The following ZNF704 variants were observed in gnomAD, a reference collection of about 807,000 sequenced individuals.
The protein encoded by ZNF704 is glucocorticoid induced gene 1.
A neutral mutation model predicts 44.7 loss-of-function variants in ZNF704; 10 were observed. That is an observed-to-expected ratio of 0.22 (90% CI 0.14 to 0.38). The LOEUF (loss-of-function observed/expected upper bound fraction) is 0.38. ZNF704 is among the 10% of genes least tolerant of loss of function. The pLI, the probability that ZNF704 is intolerant of heterozygous loss-of-function variation, is 1.00. For synonymous variants in ZNF704, 211 were observed against 207.6 expected (o/e 1.02, Z -0.14); for missense variants, 390 against 545.5 (o/e 0.71, Z 2.84).
In ZNF704 at chr8:80,664,272, A is replaced by ATT. The variant is rs146856594; in HGVS notation, c.927+541_927+542dup. Among the ~76,000 whole-genome samples the ATT allele has an allele frequency of 3.4e-3, 428 of 126,698 alleles. 3 individuals are homozygous for ATT. Among genetic ancestry groups the ATT allele is most frequent in the African/African-American group, 0.012 (413 of 34,362 alleles). 83.1% of individuals were successfully genotyped at this position (126,698 alleles called of 152,430 possible). ...CCACCATGCCCAGATAACATTAGGG[A>ATT]TTTTTTTTTTTTTTTTTTGAGACAG... On this transcript the variant is annotated intron_variant, in intron 6 of 8. Transcript: ENST00000327835.
intron 1 of ZNF704, among the ~76,000 whole-genome samples, chr8:80,841,908 C>T (rs1220945604): frequency 6.6e-6 from 1 of 152,172 alleles, no homozygotes; most frequent in Non-Finnish European, 1.5e-5. Flanking sequence ...CTGCCTCAAC[C>T]TCTCAAATAC....
intron 4 of ZNF704, among the ~76,000 whole-genome samples, chr8:80,678,736 G>A (rs1818407132): frequency 6.6e-6 from 1 of 152,160 alleles, no homozygotes; most frequent in African/African-American, 2.4e-5. Flanking sequence ...GATGTGAAAA[G>A]TTACATATCT....
At chr8:80,794,197 T>C (rs1807760780) in intron 2 of ZNF704, among the ~76,000 whole-genome samples, 2 of 152,180 alleles carry the variant, frequency 1.3e-5, no homozygotes, top group African/African-American at 4.8e-5. Flanking sequence ...GAGAAATTTG[T>C]TACTTCAGGA....
chr8:80,783,372 G>A (rs1462328568), intron 2 of ZNF704, among the ~76,000 whole-genome samples: 1 of 152,108 alleles, frequency 6.6e-6, no homozygotes, highest in Non-Finnish European at 1.5e-5. Context: ...TGATGTGGTG[G>A]TTTGTTACAT....
At chr8:80,642,977 C>T in intron 8 of ZNF704, 58 bp downstream of exon 8, 1 of 1,180,398 alleles carries the variant, frequency 8.5e-7, no homozygotes, top group Non-Finnish European at 1.2e-6. Context: ...CTCTGCTGTT[C>T]TGTTTTACAG....
rs1251655646 is a variant in ZNF704 at position 80,687,417 on chromosome 8, A to C, written c.367T>G (p.Ser123Ala). The change falls in exon 4 of 9, where the codon TCC (serine) becomes GCC (alanine). Residue 123 changes from serine to alanine, a missense_variant. This residue lies in a region of ZNF704 where 305 missense variants were observed against 435.7 expected (regional missense o/e 0.70). Coordinates refer to ENST00000327835, the MANE Select transcript of ZNF704 (RefSeq NM_001033723.3). ...GSWKEGGCVPSSTSSSGYWSW... is the reference protein window; with the variant it reads ...GSWKEGGCVPASTSSSGYWSW... ...CAGTAGCCGCTGCTGCTGGTGCTGG[A>C]AGGCACGCAGCCGCCCTCCTTCCAG... is the stretch of plus-strand genomic sequence containing the variant. 11 of 1,597,318 alleles carry C rather than the reference A, an allele frequency of 6.9e-6. No individual in the cohort carries two copies. The highest frequency in any genetic ancestry group is 9.4e-6 in the Non-Finnish European group (11 of 1,173,908).
chr8:80,787,281 T>C (rs1013228960), intron 2 of ZNF704, among the ~76,000 whole-genome samples: 2 of 152,198 alleles, frequency 1.3e-5, no homozygotes, highest in Non-Finnish European at 2.9e-5. Flanking sequence ...AAATTATGCA[T>C]ATGAGAGCAC....
In ZNF704 at chr8:80,828,003, T is replaced by C. The variant is rs575497342; in HGVS notation, c.-21-6388A>G. Among the ~76,000 whole-genome samples, 7 of 152,316 alleles carry C rather than the reference T, an allele frequency of 4.6e-5. No individual in the cohort carries two copies. The South Asian group carries it at 1.2e-3, about 27-fold the overall frequency. ...AACCTAGGCAATACGATTCAGGACA[T>C]AGGCATGGGCAAGGACTTCATGACT... On this transcript the variant is annotated intron_variant, in intron 1 of 8. Coordinates refer to ENST00000327835, the MANE Select transcript of ZNF704 (RefSeq NM_001033723.3).
intron 2 of ZNF704, among the ~76,000 whole-genome samples, chr8:80,732,555 GC>G (rs1049144007): frequency 6.6e-6 from 1 of 152,182 alleles, no homozygotes; most frequent in Non-Finnish European, 1.5e-5. Flanking sequence ...GAACCACCCT[GC>G]CACCCATATG....
intron 2 of ZNF704, among the ~76,000 whole-genome samples, chr8:80,789,723 CAG>C (rs1321683002): frequency 6.6e-6 from 1 of 152,070 alleles, no homozygotes; most frequent in East Asian, 1.9e-4. Flanking sequence ...GCCTGGGTGA[CAG>C]AGTCAGACTC....
chr8:80,867,658 AAC>A (rs1168738773), intron 1 of ZNF704, among the ~76,000 whole-genome samples: 1 of 152,206 alleles, frequency 6.6e-6, no homozygotes, highest in Non-Finnish European at 1.5e-5. Flanking sequence ...TGCTCGAGCC[AAC>A]ACAGACCATT....
At chr8:80,703,841 G>A (rs538082933) in intron 2 of ZNF704, among the ~76,000 whole-genome samples, 20 of 152,274 alleles carry the variant, frequency 1.3e-4, no homozygotes, top group Middle Eastern at 3.4e-3. Flanking sequence ...TGACAGTCCC[G>A]GAGAAGTGGC....
intron 3 of ZNF704, among the ~76,000 whole-genome samples, chr8:80,688,829 C>T (rs933182663): frequency 6.6e-6 from 1 of 151,988 alleles, no homozygotes; most frequent in African/African-American, 2.4e-5. Context: ...CATGGTGGTG[C>T]GTGCCTGTAA....
At chr8:80,843,225 T>C (rs929454987) in intron 1 of ZNF704, among the ~76,000 whole-genome samples, 1 of 152,368 alleles carries the variant, frequency 6.6e-6, no homozygotes, top group South Asian at 2.1e-4. Context: ...CTGTAGACGG[T>C]GGGACTTTAT....
At position 80,817,739 on chromosome 8, in the gene ZNF704, A is replaced by G. The variant is rs1563563963; in HGVS notation, c.221+3635T>C. Among the ~76,000 whole-genome samples, 5 of 152,184 alleles carry G rather than the reference A, an allele frequency of 3.3e-5. No homozygotes were observed. The South Asian group carries it at 8.3e-4, about 25-fold the overall frequency. On this transcript the variant is annotated intron_variant, in intron 2 of 8. Coordinates refer to ENST00000327835, the MANE Select transcript of ZNF704 (RefSeq NM_001033723.3). The stretch of plus-strand genomic sequence containing the variant: ...TACTGAGCTCTTCCTTCTCTATTTC[A>G]ATTGTCCCTATCTTGAAAAAGATAT...
intron 2 of ZNF704, among the ~76,000 whole-genome samples, chr8:80,774,176 A>G (rs1458489323): frequency 1.3e-5 from 2 of 151,580 alleles, no homozygotes; most frequent in East Asian, 1.9e-4. Flanking sequence ...TGATCCTCCC[A>G]TCTCAGCCTC....
intron 2 of ZNF704, among the ~76,000 whole-genome samples, chr8:80,733,590 G>A (rs2131683355): frequency 6.6e-6 from 1 of 152,242 alleles, no homozygotes; most frequent in East Asian, 1.9e-4. Flanking sequence ...AAAGTGTGGG[G>A]CATTTACTAG....
rs1419507517 is a variant in ZNF704, at chr8:80,759,268, CTTT to C, written c.221+62103_221+62105del. ...GAGTAACATTATAGTTAAGCCTGAG[CTTT>C]TTTTTCCAGGGCCTTTTTTTTTTTT... On this transcript the variant is annotated intron_variant, in intron 2 of 8. Transcript: ENST00000327835. Among the ~76,000 whole-genome samples the C allele has an allele frequency of 4.1e-5, 6 of 147,536 alleles. No individual in the cohort carries two copies. In the East Asian group the frequency reaches 1.2e-3, roughly 29 times the overall value.
intron 4 of ZNF704, among the ~76,000 whole-genome samples, chr8:80,679,480 G>C (rs947306260): frequency 6.6e-6 from 1 of 151,766 alleles, no homozygotes; most frequent in Admixed American, 6.6e-5. Context: ...CAGAGTTGCG[G>C]CAGCCAAATC....
Sources: gnomAD v4.1 joint callset for allele counts (sites outside exome capture counted in the v4.1 genomes callset) on GRCh38, gnomAD v4.1.1 for gene constraint, gnomAD v4.1.1 regional missense constraint, MANE v1.5 for transcripts, NCBI Gene and HGNC (gene_info 2026-07-23, HGNC 2026-07-21) for gene names.